CNTNAP2: variants seen among roughly 807,000 people sequenced by gnomAD.
The protein encoded by CNTNAP2 is contactin-associated protein-like 2.
In CNTNAP2, 98 loss-of-function variants were observed where a neutral mutation model predicts 155.2. The observed-to-expected ratio is 0.63, with a 90% CI of 0.54 to 0.75. CNTNAP2 has a LOEUF of 0.75. Ranked by LOEUF, CNTNAP2 falls within the 30% of genes least tolerant of loss-of-function variation. The probability of loss-of-function intolerance (pLI) is 0.00; values close to 1 mark genes in which losing one functional copy is unlikely to be tolerated. For missense variants in CNTNAP2, 1,727 were observed against 1,688.1 expected, an observed-to-expected ratio of 1.02 and a Z score of -0.40; for synonymous variants, 651 against 631.2, an observed-to-expected ratio of 1.03 and a Z score of -0.47.
intron 1 of CNTNAP2, among the ~76,000 whole-genome samples, chr7:146,605,580 T>G (rs1290549810): frequency 6.6e-6 from 1 of 152,208 alleles, no homozygotes; most frequent in Non-Finnish European, 1.5e-5. Context: ...GAGAGGTATG[T>G]AAACTCTCAT....
At chr7:147,884,522 A>C (rs1420270527) in intron 13 of CNTNAP2, among the ~76,000 whole-genome samples, 1 of 152,136 alleles carries the variant, frequency 6.6e-6, no homozygotes, top group Non-Finnish European at 1.5e-5. Context: ...TAATTGACAT[A>C]ATGTGAAGAG....
At chr7:146,167,098 CAAAGAG>C (rs1267876568) in intron 1 of CNTNAP2, among the ~76,000 whole-genome samples, 1 of 152,164 alleles carries the variant, frequency 6.6e-6, no homozygotes, top group Non-Finnish European at 1.5e-5. Context: ...TCTGTAAACT[CAAAGAG>C]AAAGAACTTT....
At chr7:148,278,568 TCA>T (rs1796920319) in intron 21 of CNTNAP2, among the ~76,000 whole-genome samples, 2 of 25,258 alleles carry the variant, frequency 7.9e-5, no homozygotes, top group Admixed American at 9.6e-4. Context: ...AGACTACATC[TCA>T]AAAAAAAAAA....
intron 15 of CNTNAP2, among the ~76,000 whole-genome samples, chr7:148,040,691 A>G (rs1031126678): frequency 2.6e-5 from 4 of 152,260 alleles, no homozygotes; most frequent in African/African-American, 4.8e-5. Context: ...CATTCAATCA[A>G]TAAGTTGAAT....
chr7:147,755,561 G>A (rs986961329), intron 13 of CNTNAP2, among the ~76,000 whole-genome samples: 3 of 152,202 alleles, frequency 2.0e-5, no homozygotes, highest in African/African-American at 7.2e-5. Context: ...GCAGAGGCAG[G>A]AGAATTGCTG....
intron 1 of CNTNAP2, among the ~76,000 whole-genome samples, chr7:146,474,992 A>C (rs1309398579): frequency 7.2e-6 from 1 of 138,418 alleles, no homozygotes; most frequent in African/African-American, 2.9e-5. Flanking sequence ...CCTGAGCACG[A>C]GCGCGCACGC....
At chr7:148,106,806 A>G (rs1180843557) in intron 15 of CNTNAP2, among the ~76,000 whole-genome samples, 1 of 152,172 alleles carries the variant, frequency 6.6e-6, no homozygotes, top group Non-Finnish European at 1.5e-5. Flanking sequence ...CAGGGTGTAA[A>G]AGATTCAGTC....
intron 1 of CNTNAP2, among the ~76,000 whole-genome samples, chr7:146,749,490 C>T (rs1801866761): frequency 6.6e-6 from 1 of 152,102 alleles, no homozygotes; most frequent in African/African-American, 2.4e-5. Flanking sequence ...TTTTGTTAAT[C>T]ATCAGAGTCA....
At chr7:146,347,138 T>TAAAAA (rs59530824) in intron 1 of CNTNAP2, among the ~76,000 whole-genome samples, 1 of 93,876 alleles carries the variant, frequency 1.1e-5, no homozygotes, top group Admixed American at 1.3e-4. Context: ...CCATACTCTG[T>TAAAAA]AAAAAAAAAA....
At chr7:147,736,667 C>T (rs748105175) in intron 13 of CNTNAP2, among the ~76,000 whole-genome samples, 10 of 152,190 alleles carry the variant, frequency 6.6e-5, no homozygotes, top group Non-Finnish European at 1.0e-4. Context: ...ACCAATCAGA[C>T]GTAGATTTGG....
intron 3 of CNTNAP2, among the ~76,000 whole-genome samples, chr7:146,879,463 T>C (rs1342166552): frequency 6.6e-6 from 1 of 152,092 alleles, no homozygotes; most frequent in African/African-American, 2.4e-5. Flanking sequence ...TAATTATCCT[T>C]CATTTTCTAC....
chr7:148,099,506 C>T (rs1171799999), intron 15 of CNTNAP2, among the ~76,000 whole-genome samples: 4 of 150,608 alleles, frequency 2.7e-5, no homozygotes, highest in African/African-American at 9.8e-5. Flanking sequence ...AGCACCCAGG[C>T]CTCACTTGTG....
At chr7:147,757,745 T>C (rs1011013582) in intron 13 of CNTNAP2, among the ~76,000 whole-genome samples, 1 of 152,192 alleles carries the variant, frequency 6.6e-6, no homozygotes, top group Non-Finnish European at 1.5e-5. Context: ...TGGATCTTAA[T>C]AATTATACCT....
At chr7:146,729,466 AAG>A (rs1233411565) in intron 1 of CNTNAP2, among the ~76,000 whole-genome samples, 4 of 152,152 alleles carry the variant, frequency 2.6e-5, no homozygotes, top group Admixed American at 2.0e-4. Flanking sequence ...AAGAAAAAAA[AAG>A]AGCTTAAGAG....
chr7:147,599,241 C>A (rs1268638779), intron 12 of CNTNAP2, among the ~76,000 whole-genome samples: 2 of 151,604 alleles, frequency 1.3e-5, no homozygotes, highest in Admixed American at 6.6e-5. Context: ...GTTTGGGAGG[C>A]CAAGGTGGGT....
chr7:147,882,705 A>G (rs1480342792), intron 13 of CNTNAP2, among the ~76,000 whole-genome samples: 1 of 152,110 alleles, frequency 6.6e-6, no homozygotes, highest in Non-Finnish European at 1.5e-5. Context: ...GTACCTCTAT[A>G]GTCTCCCAAG....
chr7:148,366,290 A>G (rs1274995130), intron 21 of CNTNAP2, among the ~76,000 whole-genome samples: 11 of 148,834 alleles, frequency 7.4e-5, no homozygotes, highest in Non-Finnish European at 1.2e-4. Context: ...ATGTATGTGT[A>G]CATGTATATA....
intron 2 of CNTNAP2, among the ~76,000 whole-genome samples, chr7:146,805,472 C>T (rs1388886059): frequency 7.2e-5 from 11 of 152,032 alleles, no homozygotes; most frequent in Admixed American, 7.2e-4. Context: ...ATGTAGAGAG[C>T]AGGGATGAGG....
At chr7:148,055,522 G>C (rs756648680) in intron 15 of CNTNAP2, among the ~76,000 whole-genome samples, 3 of 152,090 alleles carry the variant, frequency 2.0e-5, no homozygotes, top group Non-Finnish European at 4.4e-5. Flanking sequence ...CTACCCCTCA[G>C]CTTCTTCATC....
Sources: gnomAD v4.1 joint callset for allele counts (sites outside exome capture counted in the v4.1 genomes callset) on GRCh38, gnomAD v4.1.1 for gene constraint, MANE v1.5 for transcripts, NCBI Gene and HGNC (gene_info 2026-07-23, HGNC 2026-07-21) for gene names.